Variants in SNX29 observed in about 807,000 individuals in gnomAD.
SNX29 encodes the protein sorting nexin-29.
In SNX29, 78 loss-of-function variants were observed where a neutral mutation model predicts 102.1. That is an observed-to-expected ratio of 0.76 (90% CI 0.64 to 0.92). SNX29 has a LOEUF of 0.92. Among genes scored for constraint, SNX29 ranks in the 40% least tolerant of loss-of-function variants. The pLI is 0.00. For missense variants in SNX29, 1,280 were observed against 1,061.7 expected (o/e 1.21, Z -2.86); for synonymous variants, 580 against 414.5 (o/e 1.40, Z -4.85).
At chr16:12,448,639 T>G (rs1488011272) in intron 18 of SNX29, among the ~76,000 whole-genome samples, 1 of 152,160 alleles carries the variant, frequency 6.6e-6, no homozygotes, top group Non-Finnish European at 1.5e-5. Flanking sequence ...AAAATCCTCT[T>G]GCCCTCATTG....
chr16:12,027,278 C>A (rs745510416), intron 3 of SNX29, 42 bp from the exon 4 acceptor site: 2 of 1,609,784 alleles, frequency 1.2e-6, no homozygotes, highest in East Asian at 2.2e-5. Flanking sequence ...AGTTGCTACT[C>A]CCTTTTCTGG....
rs1334342216 is a variant in SNX29 at position 12,571,018 on chromosome 16, C to G, written c.*2389C>G. On this transcript the variant is annotated 3_prime_UTR_variant, in exon 21 of 21. Transcript: ENST00000566228. ...CACAGACCGTAGAGTCGAGTCATCT[C>G]GCAGATCCAGACCATCTCCTCTCAT... The G allele has an allele frequency of 4.3e-6, 1 of 232,784 alleles. No individual in the cohort carries two copies. The allele number at this position is 232,784 out of a possible 1,614,324, so 14.4% of individuals were successfully genotyped here.
intron 18 of SNX29, among the ~76,000 whole-genome samples, chr16:12,472,528 C>G (rs1033313997): frequency 9.0e-6 from 1 of 111,526 alleles, no homozygotes; most frequent in Non-Finnish European, 1.7e-5. Flanking sequence ...CAAAAAAAAA[C>G]CAAAAAAAAA....
In SNX29 at chr16:12,568,801, C is replaced by G; in HGVS notation, c.*172C>G. ...CCGATTAAACTAATCAGTCTTCGAGCCGCATGATACCGTGACCCGAGAGAC... is the reference window on the plus strand; with the variant it reads ...CCGATTAAACTAATCAGTCTTCGAGGCGCATGATACCGTGACCCGAGAGAC... On this transcript the variant is annotated 3_prime_UTR_variant, in exon 21 of 21. Transcript: ENST00000566228. The G allele has an allele frequency of 9.7e-7, 1 of 1,026,616 alleles. No individual in the cohort carries two copies. The highest frequency in any genetic ancestry group is 1.4e-6 in the Non-Finnish European group (1 of 726,208). The allele number at this position is 1,026,616 out of a possible 1,614,324, so 63.6% of individuals were successfully genotyped here.
intron 14 of SNX29, among the ~76,000 whole-genome samples, chr16:12,255,128 C>A (rs1453909689): frequency 6.6e-6 from 1 of 152,200 alleles, no homozygotes; most frequent in East Asian, 1.9e-4. Flanking sequence ...CATCACTTCA[C>A]ATACTTTTTT....
chr16:12,499,124 G>A (rs142092275), intron 19 of SNX29, among the ~76,000 whole-genome samples: 22 of 152,210 alleles, frequency 1.4e-4, no homozygotes, highest in Non-Finnish European at 2.6e-4. Flanking sequence ...GTGGGAAATC[G>A]CAGTAGAAGG....
chr16:12,403,928 C>T (rs1291022240), intron 18 of SNX29, among the ~76,000 whole-genome samples: 2 of 152,246 alleles, frequency 1.3e-5, no homozygotes, highest in African/African-American at 2.4e-5. Flanking sequence ...CTCAGGCCAG[C>T]TGTCCGTGGG....
At position 12,572,903 on chromosome 16, in the gene SNX29, A is replaced by G. The variant is rs1211680586; in HGVS notation, c.*4274A>G. On this transcript the variant is annotated 3_prime_UTR_variant, in exon 21 of 21. Transcript: ENST00000566228. Reference sequence around the variant, plus strand: ...ACTCTGCCTTGGCATTTCGCTCGGAATCACGGCAGACTTGGAGTGTTTCTT... The same window carrying G: ...ACTCTGCCTTGGCATTTCGCTCGGAGTCACGGCAGACTTGGAGTGTTTCTT... The G allele has an allele frequency of 4.9e-6, 5 of 1,021,094 alleles. No homozygotes were observed. The highest frequency in any genetic ancestry group is 1.2e-6 in the Non-Finnish European group (1 of 839,772). The allele number at this position is 1,021,094 out of a possible 1,614,324, so 63.3% of individuals were successfully genotyped here.
intron 20 of SNX29, among the ~76,000 whole-genome samples, chr16:12,540,503 C>T (rs1342226924): frequency 1.3e-5 from 2 of 152,244 alleles, no homozygotes; most frequent in Admixed American, 6.5e-5. Flanking sequence ...CTGGCGCCTT[C>T]TCGAGGTTGT....
intron 20 of SNX29, among the ~76,000 whole-genome samples, chr16:12,533,897 C>T (rs954060893): frequency 1.3e-4 from 20 of 152,196 alleles, no homozygotes; most frequent in African/African-American, 4.8e-4. Context: ...CAAGACGTGG[C>T]AGAAATGCAC....
Position 12,572,723 on chromosome 16 carries a change from C to G in SNX29, c.*4094C>G. On this transcript the variant is annotated 3_prime_UTR_variant, in exon 21 of 21. Coordinates refer to ENST00000566228, the MANE Select transcript of SNX29 (RefSeq NM_032167.5). ...AGCATCTTCCAGCCTTGGCACAGAA[C>G]TGATGGCAAAGGAAGGGCTGGGTTT... 1 of 1,064,098 alleles carries G rather than the reference C, an allele frequency of 9.4e-7. No homozygotes were observed. The highest frequency in any genetic ancestry group is 1.1e-6 in the Non-Finnish European group (1 of 878,532). The allele number at this position is 1,064,098 out of a possible 1,614,324, so 65.9% of individuals were successfully genotyped here. A position where few individuals can be genotyped will look rare whatever the true frequency, so the allele number is the denominator to read the frequency against.
chr16:12,569,977 C>T lies in SNX29; in HGVS notation c.*1348C>T, dbSNP rs557797310. ...TTAGATGGTAAGCCATGGGCTTGTC[C>T]TGGAACTGCTTCAACTCAGTGGCTT... On this transcript the variant is annotated 3_prime_UTR_variant, in exon 21 of 21. Transcript: ENST00000566228. 4 of 243,806 alleles carry T rather than the reference C, an allele frequency of 1.6e-5. No homozygotes were observed. The highest frequency in any genetic ancestry group is 1.6e-5 in the Non-Finnish European group (2 of 128,096). 15.1% of individuals were successfully genotyped at this position (243,806 alleles called of 1,614,324 possible). A position where few individuals can be genotyped will look rare whatever the true frequency, so the allele number is the denominator to read the frequency against.
intron 13 of SNX29, chr16:12,135,658 C>T (rs1205592736): frequency 3.9e-6 from 5 of 1,294,198 alleles, no homozygotes; most frequent in Admixed American, 2.2e-5. Flanking sequence ...ATTTGAGCTC[C>T]TGGATCCAGT....
At chr16:12,492,114 C>T (rs940264104) in intron 19 of SNX29, among the ~76,000 whole-genome samples, 1 of 152,214 alleles carries the variant, frequency 6.6e-6, no homozygotes, top group African/African-American at 2.4e-5. Context: ...CACTGACTTC[C>T]ACAATGGTTG....
chr16:12,473,855 G>A (rs1398794537), intron 18 of SNX29, among the ~76,000 whole-genome samples: 1 of 152,158 alleles, frequency 6.6e-6, no homozygotes, highest in African/African-American at 2.4e-5. Context: ...TCTGAAAAAG[G>A]GAGGCATGAA....
intron 14 of SNX29, among the ~76,000 whole-genome samples, chr16:12,200,567 C>G (rs1173358856): frequency 1.3e-5 from 2 of 152,060 alleles, no homozygotes; most frequent in Non-Finnish European, 2.9e-5. Context: ...ACTGCAACTT[C>G]CGCTTCCTGG....
chr16:12,573,739 T>C lies in SNX29; in HGVS notation c.*5110T>C, dbSNP rs1384387713. 2 of 223,104 alleles carry C rather than the reference T, an allele frequency of 9.0e-6. No homozygotes were observed. The highest frequency in any genetic ancestry group is 1.8e-5 in the Non-Finnish European group (2 of 111,638). 13.8% of individuals were successfully genotyped at this position (223,104 alleles called of 1,614,324 possible). A position where few individuals can be genotyped will look rare whatever the true frequency, so the allele number is the denominator to read the frequency against. On this transcript the variant is annotated 3_prime_UTR_variant, in exon 21 of 21. Transcript: ENST00000566228. ...CACACGGAATGGTGGATCGTACATT[T>C]GCACCCAGAGCTACTAAACGCTCAG... is the stretch of plus-strand genomic sequence containing the variant.
chr16:12,442,279 A>C (rs764580218), intron 18 of SNX29, among the ~76,000 whole-genome samples: 1 of 152,170 alleles, frequency 6.6e-6, no homozygotes, highest in African/African-American at 2.4e-5. Flanking sequence ...TTGCATCTCT[A>C]TGCCTGTCCT....
intron 20 of SNX29, among the ~76,000 whole-genome samples, chr16:12,563,500 G>C (rs947205112): frequency 2.6e-5 from 4 of 152,154 alleles, no homozygotes; most frequent in Non-Finnish European, 5.9e-5. Context: ...ATTAAAACGG[G>C]GAGACTCCTC....
Sources: gnomAD v4.1 joint callset for allele counts (sites outside exome capture counted in the v4.1 genomes callset) on GRCh38, gnomAD v4.1.1 for gene constraint, MANE v1.5 for transcripts, NCBI Gene and HGNC (gene_info 2026-07-23, HGNC 2026-07-21) for gene names.